SCIN: variants seen among roughly 807,000 people sequenced by gnomAD.
The protein encoded by SCIN is scinderin, also known as adseverin.
SCIN carries 91 observed loss-of-function variants against 91.8 expected under a neutral mutation model. The observed-to-expected ratio is 0.99, with a 90% CI of 0.84 to 1.18. The LOEUF is 1.18. Among genes scored for constraint, SCIN ranks in the 50% most tolerant of loss-of-function variants. The pLI is 0.00. For missense variants in SCIN, 1,087 were observed against 863.9 expected (o/e 1.26, Z -3.24); for synonymous variants, 367 against 312.6 (o/e 1.17, Z -1.84).
At chr7:12,588,339 G>A (rs1782634183) in intron 3 of SCIN, among the ~76,000 whole-genome samples, 1 of 152,232 alleles carries the variant, frequency 6.6e-6, no homozygotes, top group Non-Finnish European at 1.5e-5. Flanking sequence ...CAAATGCTGG[G>A]AGGCATAGAC....
intron 11 of SCIN, among the ~76,000 whole-genome samples, chr7:12,642,707 C>T (rs1783881296): frequency 6.6e-6 from 1 of 151,444 alleles, no homozygotes; most frequent in Non-Finnish European, 1.5e-5. Flanking sequence ...CTAGCATTTG[C>T]CAGTCAGCCT....
chr7:12,604,422 C>A (rs1042151936), intron 3 of SCIN, 92 bp from the exon 4 acceptor site: 1 of 1,164,330 alleles, frequency 8.6e-7, no homozygotes, highest in Admixed American at 2.5e-5. Context: ...TTTAATTTTC[C>A]TTTTTCTTTC....
chr7:12,626,493 C>A, intron 7 of SCIN, 91 bp from the exon 8 acceptor site: 1 of 1,021,860 alleles, frequency 9.8e-7, no homozygotes. Flanking sequence ...GATAATTTTC[C>A]ATTTCCTTAC....
intron 10 of SCIN, among the ~76,000 whole-genome samples, 195 bp from the exon 11 acceptor site, chr7:12,640,152 A>G (rs1020845663): frequency 6.6e-6 from 1 of 152,224 alleles, no homozygotes; most frequent in Non-Finnish European, 1.5e-5. Flanking sequence ...CTGCGATAAC[A>G]AAAGATTCTC....
chr7:12,581,592 T>C (rs1562595345), intron 3 of SCIN, among the ~76,000 whole-genome samples: 1 of 152,292 alleles, frequency 6.6e-6, no homozygotes, highest in East Asian at 1.9e-4. Flanking sequence ...TTCTAGAATA[T>C]AATATGGACA....
intron 1 of SCIN, among the ~76,000 whole-genome samples, chr7:12,573,746 C>T (rs904309245): frequency 6.6e-6 from 1 of 152,148 alleles, no homozygotes; most frequent in Non-Finnish European, 1.5e-5. Flanking sequence ...AAACACTTAT[C>T]CTCACTCTTT....
At chr7:12,588,657 G>C (rs1782641568) in intron 3 of SCIN, among the ~76,000 whole-genome samples, 1 of 151,908 alleles carries the variant, frequency 6.6e-6, no homozygotes, top group African/African-American at 2.4e-5. Context: ...ATTTACAAGA[G>C]GGTGTAACTT....
At position 12,612,366 on chromosome 7, in the gene SCIN, A is replaced by G. The variant is rs144659673; in HGVS notation, c.666+7703A>G. ...TTTTTAAGTTAAAGGGAGCAAATAT[A>G]TTCGCAACCCTCTCTAAATTAGTCC... is the stretch of plus-strand genomic sequence containing the variant. On this transcript the variant is annotated intron_variant, in intron 4 of 15. Transcript: ENST00000297029. Among the ~76,000 whole-genome samples, 385 of 152,310 alleles carry G rather than the reference A, an allele frequency of 2.5e-3. 1 individual carries two copies. The highest frequency in any genetic ancestry group is 4.6e-3 in the Non-Finnish European group (310 of 68,020).
At chr7:12,576,429 G>A (rs1449855638) in intron 1 of SCIN, among the ~76,000 whole-genome samples, 2 of 151,942 alleles carry the variant, frequency 1.3e-5, no homozygotes, top group African/African-American at 4.8e-5. Flanking sequence ...GAGAGTAAGA[G>A]GGAAATTGTA....
chr7:12,626,758 G>A lies in SCIN; in HGVS notation c.1156G>A (p.Ala386Thr). The change falls in exon 8 of 16, where the codon GCC (alanine) becomes ACC (threonine). Residue 386 changes from alanine to threonine, a missense_variant. By Grantham distance (58) the Ala-to-Thr change is moderately conservative (BLOSUM62 0). Transcript: ENST00000297029. The stretch of plus-strand genomic sequence containing the variant: ...ATTACACAGTTCTCCGCAGATGGCA[G>A]CCCAGCACAATATGGTGGATGATGG... ...SKLHSSPQMA[A>T]QHNMVDDGSG... 1 of 1,610,698 alleles carries A rather than the reference G, an allele frequency of 6.2e-7. No homozygotes were observed. Among genetic ancestry groups the A allele is most frequent in the Non-Finnish European group, 8.5e-7 (1 of 1,178,512 alleles).
chr7:12,608,766 C>T (rs11977329), intron 4 of SCIN, among the ~76,000 whole-genome samples: 68,499 of 152,014 alleles, frequency 0.45, 16,184 homozygotes, highest in Admixed American at 0.6. Context: ...TGTGAGCCTA[C>T]GCACCCGGCC....
rs2115292936 is a variant in SCIN, at chr7:12,640,384, T to A, written c.1448T>A (p.Leu483Gln). 1 of 1,611,748 alleles carries A rather than the reference T, an allele frequency of 6.2e-7. No individual in the cohort carries two copies. Among genetic ancestry groups the A allele is most frequent in the East Asian group, 2.2e-5 (1 of 44,686 alleles). The change falls in exon 11 of 16, where the codon CTG becomes CAG. Residue 483 changes from leucine (L) to glutamine (Q), a missense_variant. Transcript: ENST00000297029. ...VSQGKEPVHLLSLFKDKPLII... is the reference protein window; with the variant it reads ...VSQGKEPVHLQSLFKDKPLII... Reference sequence around the variant, plus strand: ...CAAGGCAAAGAGCCTGTTCACCTACTGAGTTTGTTCAAAGACAAACCGCTC... The same window carrying A: ...CAAGGCAAAGAGCCTGTTCACCTACAGAGTTTGTTCAAAGACAAACCGCTC...
At chr7:12,625,981 G>A in intron 7 of SCIN, 131 bp downstream of exon 7, 1 of 605,112 alleles carries the variant, frequency 1.7e-6, no homozygotes, top group Admixed American at 3.2e-5. Context: ...CTGCCTGTCT[G>A]CTGCAATCTG....
intron 4 of SCIN, among the ~76,000 whole-genome samples, chr7:12,619,488 C>T (rs912274116): frequency 7.2e-5 from 11 of 152,078 alleles, no homozygotes; most frequent in African/African-American, 2.7e-4. Flanking sequence ...TCTGAAAATA[C>T]AAATTTCCAC....
At chr7:12,578,033 A>G (rs1393545732) in intron 1 of SCIN, 31 bp from the exon 2 acceptor site, 3 of 1,499,022 alleles carry the variant, frequency 2.0e-6, no homozygotes, top group African/African-American at 1.4e-5. Flanking sequence ...CTCTTGCTTG[A>G]TAATTGAGGT....
chr7:12,574,698 G>A (rs955097948), intron 1 of SCIN, among the ~76,000 whole-genome samples: 2 of 152,190 alleles, frequency 1.3e-5, no homozygotes, highest in Non-Finnish European at 2.9e-5. Flanking sequence ...CTATTGATCT[G>A]TGTCTATCCT....
At chr7:12,632,754 T>A (rs1783672596) in intron 9 of SCIN, among the ~76,000 whole-genome samples, 1 of 152,080 alleles carries the variant, frequency 6.6e-6, no homozygotes, top group Non-Finnish European at 1.5e-5. Context: ...GCCCACACTG[T>A]AAAAAAATGC....
At chr7:12,612,197 A>G (rs143555497) in intron 4 of SCIN, among the ~76,000 whole-genome samples, 1 of 152,188 alleles carries the variant, frequency 6.6e-6, no homozygotes, top group Non-Finnish European at 1.5e-5. Flanking sequence ...CAATGTCTTA[A>G]ATATTTTGTA....
In SCIN at chr7:12,608,887, G is replaced by A. The variant is rs10487760; in HGVS notation, c.666+4224G>A. 2.9e-3 allele frequency among the ~76,000 whole-genome samples: 440 copies of A among 152,206 alleles called. 18 individuals carry two copies. The East Asian group carries it at 0.069, about 24-fold the overall frequency. ...AAAGTTAGAAATGGCTTGAAAGCAC[G>A]GATATTTTAATCAATTAAATGAGCC... On this transcript the variant is annotated intron_variant, in intron 4 of 15. Coordinates refer to ENST00000297029, the MANE Select transcript of SCIN (RefSeq NM_001112706.3).
Sources: allele counts gnomAD v4.1 joint callset (sites outside exome capture counted in the v4.1 genomes callset), GRCh38; gene constraint gnomAD v4.1.1; transcripts MANE v1.5; gene names NCBI Gene and HGNC (gene_info 2026-07-23, HGNC 2026-07-21).